The following ATP2B4 variants were observed in gnomAD, a reference collection of about 807,000 sequenced individuals.
The protein encoded by ATP2B4 is ATPase plasma membrane Ca2+ transporting 4.
In ATP2B4, 39 loss-of-function variants were observed where a neutral mutation model predicts 110.3. That is an observed-to-expected ratio of 0.35 (90% confidence interval 0.27 to 0.46). The LOEUF (loss-of-function observed/expected upper bound fraction) is 0.46. Among genes scored for constraint, ATP2B4 ranks in the 20% least tolerant of loss-of-function variants. ATP2B4 has a pLI of 1.00. For synonymous variants in ATP2B4, 538 were observed against 571.7 expected (o/e 0.94, Z 0.84); for missense variants, 1,135 against 1,530.9 (o/e 0.74, Z 4.32).
At chr1:203,666,608 C>T (rs1420682752) in intron 1 of ATP2B4, among the ~76,000 whole-genome samples, 2 of 152,130 alleles carry the variant, frequency 1.3e-5, no homozygotes, top group Non-Finnish European at 2.9e-5. Context: ...TATTAACCTC[C>T]TAGGTTTATC....
chr1:203,627,340 G>A (rs561155740), intron 1 of ATP2B4, 121 bp downstream of exon 1: 2 of 152,242 alleles, frequency 1.3e-5, no homozygotes, highest in African/African-American at 4.8e-5. Flanking sequence ...GACTGGGTTT[G>A]GAGGATTTTT....
At chr1:203,710,733 G>A (rs1419478247) in intron 11 of ATP2B4, 144 bp from the exon 12 acceptor site, 1 of 683,910 alleles carries the variant, frequency 1.5e-6, no homozygotes, top group South Asian at 1.8e-5. Context: ...GGACTCAGCT[G>A]GGTGATGAAT....
intron 1 of ATP2B4, among the ~76,000 whole-genome samples, chr1:203,667,948 T>TG (rs1186652526): frequency 1.3e-5 from 2 of 152,172 alleles, no homozygotes; most frequent in Non-Finnish European, 2.9e-5. Flanking sequence ...TGTGTTAGAC[T>TG]GGAGGAACTG....
Position 203,683,069 on chromosome 1 carries a change from T to C in ATP2B4, c.-137T>C, listed in dbSNP as rs1257613037. 4 of 937,324 alleles carry C rather than the reference T, an allele frequency of 4.3e-6. No homozygotes were observed. The highest frequency in any genetic ancestry group is 6.4e-6 in the Non-Finnish European group (4 of 623,620). The allele number at this position is 937,324 out of a possible 1,614,324, so 58.1% of individuals were successfully genotyped here. ...TCGGGAGCTTATTGCACAAGATATA[T>C]TCAATCTATTCCCTCACTGGGCCCC... On this transcript the variant is annotated 5_prime_UTR_variant, in exon 2 of 21. Coordinates refer to ENST00000357681, the MANE Select transcript of ATP2B4 (RefSeq NM_001684.5).
intron 1 of ATP2B4, among the ~76,000 whole-genome samples, chr1:203,682,227 TTGTGTGTAAATG>T (rs747251500): frequency 1.3e-5 from 2 of 152,206 alleles, no homozygotes; most frequent in Non-Finnish European, 2.9e-5. Context: ...GTTGTCTTCC[TTGTGTGTAAATG>T]TGTGTGTTGG....
At position 203,707,004 on chromosome 1, in the gene ATP2B4, G is replaced by A. The variant is rs761069938; in HGVS notation, c.1100-5G>A. ...TGGGTTCATATGACTTGTTTCTCTG[G>A]ACAGGTCTGCTCATGTCTGCTCTCA... On this transcript the variant is annotated splice_region_variant and splice_polypyrimidine_tract_variant and intron_variant, in intron 8 of 20. Coordinates refer to ENST00000357681, the MANE Select transcript of ATP2B4 (RefSeq NM_001684.5). 1.2e-6 allele frequency: 2 copies of A among 1,612,970 alleles called. No homozygotes were observed. The highest frequency in any genetic ancestry group is 8.5e-7 in the Non-Finnish European group (1 of 1,179,412).
Position 203,682,784 on chromosome 1 carries a change from C to A in ATP2B4, c.-422C>A. The A allele has an allele frequency of 6.4e-6, 1 of 155,318 alleles. No individual in the cohort carries two copies. The highest frequency in any genetic ancestry group is 1.4e-5 in the Non-Finnish European group (1 of 70,154). The allele number at this position is 155,318 out of a possible 1,614,324, so 9.6% of individuals were successfully genotyped here. On this transcript the variant is annotated 5_prime_UTR_variant, in exon 2 of 21. Coordinates refer to ENST00000357681, the MANE Select transcript of ATP2B4 (RefSeq NM_001684.5). ...GTATCCAGGAAGCTCTCCTCTTCCT[C>A]CTCCTGACGTCTACTACTACAGTTG...
chr1:203,742,724 T>A lies in ATP2B4; in HGVS notation c.*2870T>A, dbSNP rs1667017824. 6.6e-6 allele frequency: 1 copy of A among 152,256 alleles called. No individual in the cohort carries two copies. Among genetic ancestry groups the A allele is most frequent in the African/African-American group, 2.4e-5 (1 of 41,452 alleles). 9.4% of individuals were successfully genotyped at this position (152,256 alleles called of 1,614,324 possible). On this transcript the variant is annotated 3_prime_UTR_variant, in exon 21 of 21. Coordinates refer to ENST00000357681, the MANE Select transcript of ATP2B4 (RefSeq NM_001684.5). ...CAGGGGCCTCTGTTGGATTTGTGTT[T>A]CTTGAAGAATAGCTGGCAGAGTGGT...
intron 15 of ATP2B4, among the ~76,000 whole-genome samples, chr1:203,715,382 A>G (rs1448096830): frequency 7.0e-6 from 1 of 142,900 alleles, no homozygotes; most frequent in Non-Finnish European, 1.5e-5. Flanking sequence ...GTGAAACCCC[A>G]GCTCTACTAA....
chr1:203,724,186 T>G (rs1260496222), intron 19 of ATP2B4, among the ~76,000 whole-genome samples, 198 bp downstream of exon 19: 1 of 152,082 alleles, frequency 6.6e-6, no homozygotes. Flanking sequence ...CTTCAGAGGT[T>G]TCAGAATTCT....
chr1:203,671,142 C>T (rs1558025801), intron 1 of ATP2B4, among the ~76,000 whole-genome samples: 1 of 152,190 alleles, frequency 6.6e-6, no homozygotes. Flanking sequence ...TATATTCCAA[C>T]TAGCTGTTTC....
intron 15 of ATP2B4, 43 bp from the exon 16 acceptor site, chr1:203,720,506 C>A: frequency 6.4e-7 from 1 of 1,555,098 alleles, no homozygotes; most frequent in Non-Finnish European, 8.7e-7. Context: ...GGAGCCTGGG[C>A]TTTATCCACT....
intron 2 of ATP2B4, among the ~76,000 whole-genome samples, chr1:203,684,832 C>T (rs574993198): frequency 6.6e-6 from 1 of 151,968 alleles, no homozygotes; most frequent in African/African-American, 2.4e-5. Flanking sequence ...TCTCCTTAAT[C>T]TTTTTTGTTT....
rs377716580 is a variant in ATP2B4 at position 203,710,164 on chromosome 1, G to A, written c.1799+622G>A. Among the ~76,000 whole-genome samples the A allele has an allele frequency of 4.1e-4, 63 of 152,034 alleles. 1 individual carries two copies. Among genetic ancestry groups the A allele is most frequent in the African/African-American group, 1.4e-3 (60 of 41,454 alleles). On this transcript the variant is annotated intron_variant, in intron 11 of 20. Coordinates refer to ENST00000357681, the MANE Select transcript of ATP2B4 (RefSeq NM_001684.5). Reference sequence around the variant, plus strand: ...AGGCAGAACACGAGGTCAGGAGTTCGAAACCAGCCCGACCAACATGGTGAA... The same window carrying A: ...AGGCAGAACACGAGGTCAGGAGTTCAAAACCAGCCCGACCAACATGGTGAA...
intron 2 of ATP2B4, 152 bp downstream of exon 2, chr1:203,683,550 G>A (rs1665080722): frequency 1.5e-6 from 1 of 648,000 alleles, no homozygotes; most frequent in African/African-American, 1.8e-5. Flanking sequence ...GCACTGAAAG[G>A]AGGGCAGGCC....
chr1:203,701,228 T>C (rs1037330535), intron 6 of ATP2B4, among the ~76,000 whole-genome samples: 1 of 152,198 alleles, frequency 6.6e-6, no homozygotes, highest in Admixed American at 6.5e-5. Flanking sequence ...TAGGTGCTGG[T>C]AGCCCCAAAT....
At chr1:203,668,285 G>C (rs1344332927) in intron 1 of ATP2B4, among the ~76,000 whole-genome samples, 4 of 152,106 alleles carry the variant, frequency 2.6e-5, no homozygotes, top group Non-Finnish European at 5.9e-5. Context: ...AGGAGCCAGG[G>C]TCAGATTGTA....
chr1:203,692,573 T>C (rs1665414160), intron 2 of ATP2B4, among the ~76,000 whole-genome samples: 1 of 152,112 alleles, frequency 6.6e-6, no homozygotes, highest in African/African-American at 2.4e-5. Context: ...CAGAGAAAAT[T>C]CTCCCTGGTA....
At chr1:203,723,411 G>A (rs1248363255) in intron 18 of ATP2B4, among the ~76,000 whole-genome samples, 1 of 92,798 alleles carries the variant, frequency 1.1e-5, no homozygotes, top group Non-Finnish European at 2.2e-5. Flanking sequence ...TTTTTCGTTT[G>A]AGACAGATAT....
Sources: allele counts gnomAD v4.1 joint callset (sites outside exome capture counted in the v4.1 genomes callset), GRCh38; gene constraint gnomAD v4.1.1; transcripts MANE v1.5; gene names NCBI Gene and HGNC (gene_info 2026-07-23, HGNC 2026-07-21).